PCNT: variants seen among roughly 807,000 people sequenced by gnomAD.
PCNT encodes pericentrin.
In PCNT, 319 loss-of-function variants were observed where a neutral mutation model predicts 380.4. That is an observed-to-expected ratio of 0.84 (90% confidence interval 0.77 to 0.92). The LOEUF (loss-of-function observed/expected upper bound fraction) is 0.92. PCNT is among the 40% of genes least tolerant of loss of function. The probability of loss-of-function intolerance (pLI) is 0.00; values close to 1 mark genes in which losing one functional copy is unlikely to be tolerated. For missense variants in PCNT, 4,400 were observed against 4,255.3 expected (o/e 1.03, Z -0.95); for synonymous variants, 1,845 against 1,735.2 (o/e 1.06, Z -1.57).
At chr21:46,427,913 G>A (rs1226084805) in intron 34 of PCNT, 118 bp downstream of exon 34, 14 of 1,131,610 alleles carry the variant, frequency 1.2e-5, no homozygotes, top group South Asian at 4.0e-5. Flanking sequence ...CTCGACCGCT[G>A]GAATGTGGCT....
intron 2 of PCNT, among the ~76,000 whole-genome samples, chr21:46,331,775 A>G (rs1278659863): frequency 6.6e-6 from 1 of 152,154 alleles, no homozygotes; most frequent in Non-Finnish European, 1.5e-5. Flanking sequence ...CAAAAAAAAA[A>G]AAATCATAAA....
At chr21:46,431,000 G>A (rs2087739063) in intron 37 of PCNT, 1 of 985,330 alleles carries the variant, frequency 1.0e-6, no homozygotes. Context: ...GGCTGGTGGT[G>A]GGGCCTCTGC....
intron 15 of PCNT, among the ~76,000 whole-genome samples, chr21:46,377,978 C>T (rs762362306): frequency 2.6e-5 from 4 of 152,136 alleles, no homozygotes; most frequent in Middle Eastern, 3.2e-3. Flanking sequence ...CGTGTGCCCT[C>T]GGTGTCCGCG....
intron 15 of PCNT, among the ~76,000 whole-genome samples, chr21:46,370,488 AG>A (rs1266009455): frequency 6.8e-6 from 1 of 147,602 alleles, no homozygotes; most frequent in African/African-American, 2.5e-5. Context: ...TGGCATAGGG[AG>A]GGGCATGGAG....
intron 21 of PCNT, among the ~76,000 whole-genome samples, chr21:46,394,744 T>C (rs1016618338): frequency 2.6e-5 from 4 of 152,248 alleles, no homozygotes; most frequent in Non-Finnish European, 5.9e-5. Context: ...TAACGGTCTT[T>C]ACTACAGTGC....
At chr21:46,353,083 C>G in intron 9 of PCNT, 21 bp from the exon 10 acceptor site, 1 of 1,602,878 alleles carries the variant, frequency 6.2e-7, no homozygotes, top group East Asian at 2.2e-5. Flanking sequence ...AAGACGATTG[C>G]CTGACTCCGT....
rs989081203 is a variant in PCNT, at chr21:46,371,993, GCACA to G, written c.3165+4863_3165+4866del. ...TAGCACATACACACATGCAGCACATGCACACACACACAGCACATGCACACACACA... is the reference window on the plus strand; with the variant it reads ...TAGCACATACACACATGCAGCACATGCACACACAGCACATGCACACACACA... On this transcript the variant is annotated intron_variant, in intron 15 of 46. Coordinates refer to ENST00000359568, the MANE Select transcript of PCNT (RefSeq NM_006031.6). 1.1e-4 allele frequency among the ~76,000 whole-genome samples: 13 copies of G among 114,608 alleles called. 1 individual carries two copies. Among genetic ancestry groups the G allele is most frequent in the African/African-American group, 2.9e-4 (10 of 33,980 alleles). 75.2% of individuals were successfully genotyped at this position (114,608 alleles called of 152,430 possible). A position where few individuals can be genotyped will look rare whatever the true frequency, so the allele number is the denominator to read the frequency against.
rs1457771184 is a variant in PCNT at position 46,404,048 on chromosome 21, G to A, written c.5115+1565G>A. Among the ~76,000 whole-genome samples, 12 of 134,142 alleles carry A rather than the reference G, an allele frequency of 8.9e-5. No individual in the cohort carries two copies. The East Asian group carries it at 2.2e-3, about 24-fold the overall frequency. The allele number at this position is 134,142 out of a possible 152,430, so 88.0% of individuals were successfully genotyped here. On this transcript the variant is annotated intron_variant, in intron 27 of 46. Transcript: ENST00000359568. ...TGTGTGTGTGGTGCCCACGTGGCGCGTGCTCGGTGAATGAACACAGCGTGG... is the reference window on the plus strand; with the variant it reads ...TGTGTGTGTGGTGCCCACGTGGCGCATGCTCGGTGAATGAACACAGCGTGG...
chr21:46,354,541 C>T (rs2084403071), intron 11 of PCNT, among the ~76,000 whole-genome samples: 1 of 152,202 alleles, frequency 6.6e-6, no homozygotes, highest in African/African-American at 2.4e-5. Context: ...GTCTGTGCTG[C>T]CAGTGTGGTG....
chr21:46,329,419 C>T (rs948748244), intron 2 of PCNT, among the ~76,000 whole-genome samples: 1 of 152,074 alleles, frequency 6.6e-6, no homozygotes, highest in South Asian at 2.1e-4. Context: ...TTGGTTTTTT[C>T]GTTGTTATGG....
intron 3 of PCNT, among the ~76,000 whole-genome samples, chr21:46,344,048 GT>G (rs1466340350): frequency 6.7e-6 from 1 of 149,528 alleles, no homozygotes; most frequent in Non-Finnish European, 1.5e-5. Flanking sequence ...TATCAGTTTT[GT>G]TTATCTTTTC....
chr21:46,431,715 A>C lies in PCNT; in HGVS notation c.8251A>C (p.Lys2751Gln), dbSNP rs2087770745. The change falls in exon 38 of 47, where the codon AAG (lysine) becomes CAG (glutamine). Residue 2751 changes from lysine to glutamine, a missense_variant. Transcript: ENST00000359568. ...GCTCCAGAAGGACCTTGCGGCTGAGAAGAGCCGCACCCTGGAGCTGTCAGA... is the reference window on the plus strand; with the variant it reads ...GCTCCAGAAGGACCTTGCGGCTGAGCAGAGCCGCACCCTGGAGCTGTCAGA... Reference protein sequence around the residue: ...SELQKDLAAEKSRTLELSEAL... With the variant: ...SELQKDLAAEQSRTLELSEAL... 1 of 1,612,200 alleles carries C rather than the reference A, an allele frequency of 6.2e-7. No individual in the cohort carries two copies. Among genetic ancestry groups the C allele is most frequent in the Non-Finnish European group, 8.5e-7 (1 of 1,179,716 alleles).
intron 15 of PCNT, among the ~76,000 whole-genome samples, chr21:46,371,217 T>TCTTTC (rs34095506): frequency 7.1e-6 from 1 of 141,668 alleles, no homozygotes; most frequent in Non-Finnish European, 1.5e-5. Context: ...TTTCTTTCTT[T>TCTTTC]TTTTTTTTTT....
intron 27 of PCNT, among the ~76,000 whole-genome samples, chr21:46,407,623 G>A (rs932708546): frequency 2.0e-5 from 3 of 152,162 alleles, no homozygotes; most frequent in Non-Finnish European, 4.4e-5. Flanking sequence ...GATTACAGGC[G>A]TGAGCCACCG....
rs764460720 is a variant in PCNT at position 46,399,552 on chromosome 21, A to C, written c.4585-38A>C. On this transcript the variant is annotated intron_variant, in intron 24 of 46. Coordinates refer to ENST00000359568, the MANE Select transcript of PCNT (RefSeq NM_006031.6). ...TTTGGAAAATGGGTTTTTATAAAAC[A>C]TTCTATTGTATTCCTCAAGCATTTT... The C allele has an allele frequency of 2.0e-6, 3 of 1,485,192 alleles. No homozygotes were observed. In the African/African-American group the frequency reaches 4.1e-5, roughly 21 times the overall value. The allele number at this position is 1,485,192 out of a possible 1,614,324, so 92.0% of individuals were successfully genotyped here. A position where few individuals can be genotyped will look rare whatever the true frequency, so the allele number is the denominator to read the frequency against.
rs1379862568 is a variant in PCNT at position 46,445,266 on chromosome 21, A to C, written c.9968-18A>C. Reference sequence around the variant, plus strand: ...AGCCTTGTAACCAATTTGCTGCCTCATTTTTATTTATATGCAGATTCTACT... The same window carrying C: ...AGCCTTGTAACCAATTTGCTGCCTCCTTTTTATTTATATGCAGATTCTACT... On this transcript the variant is annotated intron_variant, in intron 46 of 46. Coordinates refer to ENST00000359568, the MANE Select transcript of PCNT (RefSeq NM_006031.6). 5.0e-6 allele frequency: 8 copies of C among 1,592,650 alleles called. No homozygotes were observed. The highest frequency in any genetic ancestry group is 6.0e-6 in the Non-Finnish European group (7 of 1,160,354).
At chr21:46,444,626 C>T (rs2053702401) in intron 45 of PCNT, 68 bp from the exon 46 acceptor site, 1 of 1,560,110 alleles carries the variant, frequency 6.4e-7, no homozygotes. Flanking sequence ...GTCACCATGG[C>T]TCCGTCTGTC....
At chr21:46,444,874 G>T in intron 46 of PCNT, 53 bp downstream of exon 46, 7 of 1,551,022 alleles carry the variant, frequency 4.5e-6, no homozygotes, top group Non-Finnish European at 5.3e-6. Context: ...CTGTACCCTG[G>T]AAACGTAGGG....
intron 12 of PCNT, among the ~76,000 whole-genome samples, chr21:46,355,892 T>C (rs970078406): frequency 2.0e-5 from 3 of 152,036 alleles, no homozygotes; most frequent in African/African-American, 7.2e-5. Context: ...CTGGGGGTCA[T>C]GGGGATTGCT....
Sources: allele counts gnomAD v4.1 joint callset (sites outside exome capture counted in the v4.1 genomes callset), GRCh38; gene constraint gnomAD v4.1.1; transcripts MANE v1.5; gene names NCBI Gene and HGNC (gene_info 2026-07-23, HGNC 2026-07-21).